Variants in OPCML observed in about 807,000 individuals in gnomAD.
OPCML encodes the protein opioid-binding protein/cell adhesion molecule.
A neutral mutation model predicts 37.8 loss-of-function variants in OPCML; 13 were observed. The ratio of observed to expected loss-of-function variants is 0.34; its 90% CI spans 0.22 to 0.55. The LOEUF is 0.55. OPCML is among the 20% of genes least tolerant of loss of function. OPCML has a pLI of 0.91. For synonymous variants in OPCML, 176 were observed against 168.8 expected, an observed-to-expected ratio of 1.04 and a Z score of -0.33; for missense variants, 341 against 435.6, an observed-to-expected ratio of 0.78 and a Z score of 1.93.
chr11:133,475,350 A>G (rs1947218173), intron 1 of OPCML, among the ~76,000 whole-genome samples: 1 of 152,000 alleles, frequency 6.6e-6, no homozygotes, highest in Admixed American at 6.6e-5. Context: ...CTCAGGAGAA[A>G]CAATCACTCA....
intron 3 of OPCML, among the ~76,000 whole-genome samples, chr11:132,552,555 A>G (rs562596979): frequency 6.6e-6 from 1 of 152,266 alleles, no homozygotes; most frequent in East Asian, 1.9e-4. Context: ...CACCCAATGC[A>G]TGTGTTTATT....
intron 4 of OPCML, among the ~76,000 whole-genome samples, chr11:132,468,836 A>C: frequency 6.6e-6 from 1 of 152,166 alleles, no homozygotes; most frequent in East Asian, 1.9e-4. Context: ...GGATCTCAAA[A>C]CTACATATAC....
chr11:133,145,546 G>A (rs535543896), intron 1 of OPCML, among the ~76,000 whole-genome samples: 107 of 152,330 alleles, frequency 7.0e-4, no homozygotes, highest in Non-Finnish European at 1.4e-3. Context: ...CTTCAAATGT[G>A]AGGCTTAAAT....
chr11:133,527,764 G>T (rs970962443), intron 1 of OPCML, among the ~76,000 whole-genome samples: 1 of 152,172 alleles, frequency 6.6e-6, no homozygotes, highest in Non-Finnish European at 1.5e-5. Context: ...TCTACAGATT[G>T]GTAAACTGAG....
chr11:133,289,686 T>C (rs1419132722), intron 1 of OPCML, among the ~76,000 whole-genome samples: 1 of 152,162 alleles, frequency 6.6e-6, no homozygotes, highest in Non-Finnish European at 1.5e-5. Flanking sequence ...TTCGTTGTTC[T>C]TTATTCACTG....
At chr11:133,531,457 C>T (rs1948602852) in intron 1 of OPCML, among the ~76,000 whole-genome samples, 1 of 152,164 alleles carries the variant, frequency 6.6e-6, no homozygotes. Context: ...CTTCCCTCAG[C>T]AGGGACATCC....
In OPCML at chr11:133,070,785, C is replaced by T. The variant is rs144300274; in HGVS notation, c.62-127775G>A. 8.7e-3 allele frequency among the ~76,000 whole-genome samples: 1,326 copies of T among 152,184 alleles called. 19 individuals are homozygous for T. Among genetic ancestry groups the T allele is most frequent in the African/African-American group, 0.03 (1,258 of 41,524 alleles). The stretch of plus-strand genomic sequence containing the variant: ...GCAGCTGAAATGAATGAAAATTGTA[C>T]CAGGGATAAAGACAAAGGAGCAGGG... On this transcript the variant is annotated intron_variant, in intron 1 of 7. Transcript: ENST00000524381.
chr11:133,269,180 G>A (rs1400535357), intron 1 of OPCML, among the ~76,000 whole-genome samples: 1 of 152,182 alleles, frequency 6.6e-6, no homozygotes, highest in Non-Finnish European at 1.5e-5. Context: ...GGGAAGAAGG[G>A]CATCTCTGAG....
chr11:133,245,976 G>T (rs1940908312), intron 1 of OPCML, among the ~76,000 whole-genome samples: 1 of 152,116 alleles, frequency 6.6e-6, no homozygotes. Context: ...TGGGGGCTGG[G>T]GGTCAAGGGG....
intron 4 of OPCML, among the ~76,000 whole-genome samples, chr11:132,516,077 G>C (rs192380678): frequency 6.6e-6 from 1 of 152,194 alleles, no homozygotes; most frequent in Non-Finnish European, 1.5e-5. Flanking sequence ...AAAAAAAAGT[G>C]ATTGGACACG....
chr11:133,159,311 C>T (rs191868447), intron 1 of OPCML, among the ~76,000 whole-genome samples: 25 of 152,204 alleles, frequency 1.6e-4, no homozygotes, highest in African/African-American at 4.6e-4. Context: ...CCCTGGGGCA[C>T]GATGTATGCC....
At chr11:132,526,530 T>C (rs1036098703) in intron 4 of OPCML, among the ~76,000 whole-genome samples, 1 of 152,146 alleles carries the variant, frequency 6.6e-6, no homozygotes. Context: ...ATTAGGCTAA[T>C]TTATTAGCAT....
At chr11:132,423,831 C>T (rs915675079) in intron 7 of OPCML, among the ~76,000 whole-genome samples, 1 of 152,144 alleles carries the variant, frequency 6.6e-6, no homozygotes, top group African/African-American at 2.4e-5. Flanking sequence ...TACAGAGCCA[C>T]CTGTGTGACA....
At chr11:133,051,058 T>C (rs944185942) in intron 1 of OPCML, among the ~76,000 whole-genome samples, 6 of 148,100 alleles carry the variant, frequency 4.1e-5, no homozygotes, top group East Asian at 2.0e-4. Context: ...TGTGTGTACA[T>C]ACACACACAC....
chr11:133,057,122 C>A (rs1050906322), intron 1 of OPCML, among the ~76,000 whole-genome samples: 7 of 152,202 alleles, frequency 4.6e-5, no homozygotes, highest in Non-Finnish European at 1.0e-4. Flanking sequence ...GGATTACAGG[C>A]GTGAGCTGCT....
intron 2 of OPCML, among the ~76,000 whole-genome samples, chr11:132,920,395 T>G (rs1452550258): frequency 1.3e-5 from 2 of 152,178 alleles, no homozygotes. Flanking sequence ...GAGAGAACGT[T>G]GGCTCTAAAC....
chr11:133,336,104 G>A (rs568956428), intron 1 of OPCML, among the ~76,000 whole-genome samples: 21 of 152,306 alleles, frequency 1.4e-4, no homozygotes, highest in Admixed American at 1.2e-3. Flanking sequence ...CAGAACAAAG[G>A]TGAGGGCTGT....
intron 1 of OPCML, among the ~76,000 whole-genome samples, chr11:133,427,199 T>C (rs1276168749): frequency 6.6e-6 from 1 of 152,026 alleles, no homozygotes; most frequent in East Asian, 1.9e-4. Context: ...TAAAACCTAA[T>C]CTACCATATC....
chr11:132,578,919 T>C (rs1488099410), intron 3 of OPCML, among the ~76,000 whole-genome samples: 1 of 152,150 alleles, frequency 6.6e-6, no homozygotes, highest in Non-Finnish European at 1.5e-5. Flanking sequence ...CAGGCTTAAT[T>C]TGTGCTTCTC....
Sources: gnomAD v4.1 joint callset for allele counts (sites outside exome capture counted in the v4.1 genomes callset) on GRCh38, gnomAD v4.1.1 for gene constraint, MANE v1.5 for transcripts, NCBI Gene and HGNC (gene_info 2026-07-23, HGNC 2026-07-21) for gene names.